Variants in GFRAL observed in about 807,000 individuals in gnomAD.
The protein encoded by GFRAL is GDNF family receptor alpha like, also known as GDNF family receptor alpha-like.
In GFRAL, 36 loss-of-function variants were observed where a neutral mutation model predicts 45.4. That is an observed-to-expected ratio of 0.79 (90% CI 0.61 to 1.05). The LOEUF (loss-of-function observed/expected upper bound fraction) is 1.05, where lower values mean the gene tolerates loss of function less well. GFRAL is among the 50% of genes least tolerant of loss of function. The pLI, the probability that GFRAL is intolerant of heterozygous loss-of-function variation, is 0.00. For synonymous variants in GFRAL, 166 were observed against 154.1 expected (o/e 1.08, Z -0.57); for missense variants, 507 against 467.5 (o/e 1.08, Z -0.78).
intron 6 of GFRAL, among the ~76,000 whole-genome samples, chr6:55,365,166 G>C (rs1768342619): frequency 6.6e-6 from 1 of 151,000 alleles, no homozygotes; most frequent in Non-Finnish European, 1.5e-5. Flanking sequence ...TCCCTTGTAA[G>C]TGGGATTCCT....
intron 5 of GFRAL, among the ~76,000 whole-genome samples, chr6:55,353,336 A>AT (rs1397082690): frequency 4.6e-5 from 7 of 152,028 alleles, no homozygotes; most frequent in Non-Finnish European, 1.0e-4. Context: ...GTCTACTCTT[A>AT]TTTTCAGTCA....
chr6:55,330,425 G>A (rs1200400729), intron 1 of GFRAL, among the ~76,000 whole-genome samples: 6 of 151,978 alleles, frequency 3.9e-5, no homozygotes, highest in Non-Finnish European at 5.9e-5. Flanking sequence ...CTGTAATTGC[G>A]GGATCCCCAC....
At chr6:55,347,543 A>C (rs914902926) in intron 3 of GFRAL, among the ~76,000 whole-genome samples, 1 of 152,178 alleles carries the variant, frequency 6.6e-6, no homozygotes, top group Non-Finnish European at 1.5e-5. Context: ...AATATTTGAC[A>C]AAAGAAAAGA....
intron 3 of GFRAL, among the ~76,000 whole-genome samples, chr6:55,345,064 AT>A (rs1292676076): frequency 6.6e-6 from 1 of 152,368 alleles, no homozygotes; most frequent in East Asian, 1.9e-4. Context: ...ATCGAAGAGC[AT>A]TCCATGTTCA....
intron 6 of GFRAL, among the ~76,000 whole-genome samples, chr6:55,395,779 T>TG (rs1319627490): frequency 8.7e-6 from 1 of 115,346 alleles, no homozygotes; most frequent in Non-Finnish European, 1.8e-5. Context: ...ACAAGGATTT[T>TG]GGAAAAAAAA....
intron 6 of GFRAL, among the ~76,000 whole-genome samples, chr6:55,398,753 G>A (rs1056604067): frequency 2.6e-4 from 39 of 152,090 alleles, no homozygotes; most frequent in Non-Finnish European, 1.2e-4. Flanking sequence ...AGCTAATAGA[G>A]AGAAAAAGAG....
Position 55,327,572 on chromosome 6 carries a change from C to A in GFRAL, c.18C>A (p.Phe6Leu). 1.9e-6 allele frequency: 3 copies of A among 1,612,628 alleles called. No homozygotes were observed. The highest frequency in any genetic ancestry group is 2.5e-6 in the Non-Finnish European group (3 of 1,178,994). MIVFI[F>L]LAMGLSLENE... Reference sequence around the variant, plus strand: ...TGTCCAGCATGATAGTGTTTATTTTCTTGGGTAAGTGAATGGTGCTTCTGG... The same window carrying A: ...TGTCCAGCATGATAGTGTTTATTTTATTGGGTAAGTGAATGGTGCTTCTGG... Residue 6 changes from phenylalanine to leucine, a missense_variant, in exon 1 of 9, where the codon TTC becomes TTA. Phe to Leu is a conservative substitution (Grantham distance 22, BLOSUM62 0). Coordinates refer to ENST00000340465, the MANE Select transcript of GFRAL (RefSeq NM_207410.2).
chr6:55,368,489 C>T (rs1581751468), intron 6 of GFRAL, among the ~76,000 whole-genome samples: 3 of 152,100 alleles, frequency 2.0e-5, no homozygotes, highest in African/African-American at 7.3e-5. Context: ...TGGTGAGGAA[C>T]TGCGTTCCTT....
chr6:55,358,796 G>A lies in GFRAL; in HGVS notation c.702-92G>A, dbSNP rs1768230341. ...TGTACTGGCATCTCGAAGGCATTGT[G>A]TTCTATGTCTTTCATTAGGTGAGGG... On this transcript the variant is annotated intron_variant, in intron 5 of 8. Coordinates refer to ENST00000340465, the MANE Select transcript of GFRAL (RefSeq NM_207410.2). 4 of 1,222,098 alleles carry A rather than the reference G, an allele frequency of 3.3e-6. No homozygotes were observed. The African/African-American group carries it at 6.0e-5, about 18-fold the overall frequency. The allele number at this position is 1,222,098 out of a possible 1,614,324, so 75.7% of individuals were successfully genotyped here.
chr6:55,333,309 C>T (rs1451434875), intron 2 of GFRAL, among the ~76,000 whole-genome samples: 1 of 151,920 alleles, frequency 6.6e-6, no homozygotes, highest in Non-Finnish European at 1.5e-5. Flanking sequence ...GAGACTTATT[C>T]AATAATATTT....
intron 6 of GFRAL, among the ~76,000 whole-genome samples, chr6:55,381,438 T>C (rs755802811): frequency 1.3e-5 from 2 of 151,922 alleles, no homozygotes; most frequent in Non-Finnish European, 2.9e-5. Flanking sequence ...CTGCATTCAA[T>C]GGATAGATGA....
intron 6 of GFRAL, among the ~76,000 whole-genome samples, chr6:55,373,280 C>T (rs1768477534): frequency 6.6e-6 from 1 of 151,996 alleles, no homozygotes; most frequent in South Asian, 2.1e-4. Flanking sequence ...TCTTCCTTGA[C>T]CGTATTTTTC....
Position 55,351,342 on chromosome 6 carries a change from G to A in GFRAL, c.460G>A (p.Ala154Thr). The change falls in exon 5 of 9, where the codon GCT (alanine) becomes ACT (threonine). Residue 154 changes from alanine (A) to threonine (T), a missense_variant. By Grantham distance (58) the Ala-to-Thr change is moderately conservative. Transcript: ENST00000340465. Reference protein sequence around the residue: ...CNAQLASYLKACSANGNPCDL... With the variant: ...CNAQLASYLKTCSANGNPCDL... ...TGCACAGTTGGCCTCTTACCTTAAAGCTTGCTCAGCAAATGGAAATCCGTG... is the reference window on the plus strand; with the variant it reads ...TGCACAGTTGGCCTCTTACCTTAAAACTTGCTCAGCAAATGGAAATCCGTG... 6.2e-7 allele frequency: 1 copy of A among 1,613,652 alleles called. No homozygotes were observed. Among genetic ancestry groups the A allele is most frequent in the Non-Finnish European group, 8.5e-7 (1 of 1,179,740 alleles).
chr6:55,364,579 G>A (rs1258938282), intron 6 of GFRAL, among the ~76,000 whole-genome samples: 1 of 146,568 alleles, frequency 6.8e-6, no homozygotes, highest in African/African-American at 2.6e-5. Flanking sequence ...TAGGTCTAAC[G>A]TTTAAGTCTT....
chr6:55,401,479 C>T (rs548253818), intron 8 of GFRAL, among the ~76,000 whole-genome samples: 4 of 152,276 alleles, frequency 2.6e-5, no homozygotes, highest in African/African-American at 9.6e-5. Context: ...AAGATAGTTG[C>T]ATTTGTTTCA....
intron 1 of GFRAL, among the ~76,000 whole-genome samples, chr6:55,330,216 C>T (rs1209492160): frequency 6.6e-6 from 1 of 152,154 alleles, no homozygotes; most frequent in African/African-American, 2.4e-5. Context: ...TAGATGTTAT[C>T]AGTTATTTAT....
rs1554136792 is a variant in GFRAL at position 55,395,175 on chromosome 6, A to ATATATATATAT, written c.953-4005_953-4004insTATATATATAT. ...AATCAGCCTATGGAAAAAAAAAAAA[A>ATATATATATAT]ATATATATATATATATATAAGCCAG... On this transcript the variant is annotated intron_variant, in intron 6 of 8. Transcript: ENST00000340465. Among the ~76,000 whole-genome samples, 771 of 123,354 alleles carry ATATATATATAT rather than the reference A, an allele frequency of 6.3e-3. 10 individuals carry two copies. The highest frequency in any genetic ancestry group is 0.021 in the African/African-American group (614 of 28,838). 80.9% of individuals were successfully genotyped at this position (123,354 alleles called of 152,430 possible).
intron 3 of GFRAL, among the ~76,000 whole-genome samples, chr6:55,335,183 G>C (rs1464475951): frequency 6.6e-6 from 1 of 152,044 alleles, no homozygotes; most frequent in African/African-American, 2.4e-5. Context: ...CTAATATATA[G>C]TGGTACTATA....
At chr6:55,365,461 A>G (rs1768347931) in intron 6 of GFRAL, among the ~76,000 whole-genome samples, 3 of 105,338 alleles carry the variant, frequency 2.8e-5, no homozygotes, top group Non-Finnish European at 3.8e-5. Flanking sequence ...CCCTGGCCAG[A>G]ACTTCCAACA....
Sources: gnomAD v4.1 joint callset for allele counts (sites outside exome capture counted in the v4.1 genomes callset) on GRCh38, gnomAD v4.1.1 for gene constraint, MANE v1.5 for transcripts, NCBI Gene and HGNC (gene_info 2026-07-23, HGNC 2026-07-21) for gene names.